Variants in METTL8 observed in about 807,000 individuals in gnomAD.
METTL8 encodes the protein methyltransferase 8, tRNA N3-cytidine.
In METTL8, 32 loss-of-function variants were observed where a neutral mutation model predicts 48.7. That is an observed-to-expected ratio of 0.66 (90% CI 0.50 to 0.88). METTL8 has a LOEUF of 0.88. Ranked by LOEUF, METTL8 falls within the 40% of genes least tolerant of loss-of-function variation. The pLI is 0.00. For synonymous variants in METTL8, 136 were observed against 157.1 expected (o/e 0.87, Z 1.01); for missense variants, 464 against 474.4 (o/e 0.98, Z 0.20).
At chr2:171,340,318 A>G (rs945340903) in intron 3 of METTL8, among the ~76,000 whole-genome samples, 7 of 151,800 alleles carry the variant, frequency 4.6e-5, no homozygotes, top group African/African-American at 1.5e-4. Context: ...CCTGGCCAAC[A>G]TGTTGAAACT....
chr2:171,316,062 G>A lies in METTL8; in HGVS notation c.*8110C>T, dbSNP rs1038989739. Among the ~76,000 whole-genome samples the A allele has an allele frequency of 5.3e-5, 8 of 152,190 alleles. No individual in the cohort carries two copies. The highest frequency in any genetic ancestry group is 1.9e-4 in the East Asian group (1 of 5,204). On this transcript the variant is annotated 3_prime_UTR_variant, in exon 10 of 10. Transcript: ENST00000375258. ...ATTCTTTATTCTCGAGAGCTTCCTCGTGCACATGATCAGCTTTTGCACATG... is the reference window on the plus strand; with the variant it reads ...ATTCTTTATTCTCGAGAGCTTCCTCATGCACATGATCAGCTTTTGCACATG...
At chr2:171,433,842 C>T (rs1402932948) in intron 1 of METTL8, 41 bp downstream of exon 1, 1 of 154,846 alleles carries the variant, frequency 6.5e-6, no homozygotes, top group African/African-American at 2.4e-5. Flanking sequence ...TACCGTCCCC[C>T]TCAGCCAACA....
intron 1 of METTL8, among the ~76,000 whole-genome samples, chr2:171,409,724 G>C (rs1042474113): frequency 6.6e-6 from 1 of 152,194 alleles, no homozygotes; most frequent in Non-Finnish European, 1.5e-5. Context: ...GGCAGAGAGG[G>C]GAGCCTGGAA....
intron 1 of METTL8, among the ~76,000 whole-genome samples, chr2:171,405,009 G>A (rs546151226): frequency 2.4e-4 from 36 of 152,288 alleles, no homozygotes; most frequent in Middle Eastern, 3.4e-3. Flanking sequence ...AGTGAAACAG[G>A]AGACAAGGTT....
At chr2:171,333,439 T>C (rs1685761786) in intron 5 of METTL8, among the ~76,000 whole-genome samples, 1 of 152,178 alleles carries the variant, frequency 6.6e-6, no homozygotes, top group Non-Finnish European at 1.5e-5. Flanking sequence ...TGAATAACTA[T>C]GATAACATAT....
chr2:171,405,716 T>C (rs1273178540), intron 1 of METTL8, among the ~76,000 whole-genome samples: 1 of 152,058 alleles, frequency 6.6e-6, no homozygotes, highest in Non-Finnish European at 1.5e-5. Flanking sequence ...ACAAAACAAG[T>C]TTTGAGAATA....
chr2:171,370,491 G>A (rs1426564406), intron 2 of METTL8, among the ~76,000 whole-genome samples: 1 of 152,110 alleles, frequency 6.6e-6, no homozygotes, highest in East Asian at 1.9e-4. Flanking sequence ...ATTAGTAATA[G>A]TTCTCAAAAC....
chr2:171,332,971 T>C (rs972069781), intron 5 of METTL8, among the ~76,000 whole-genome samples: 1 of 149,660 alleles, frequency 6.7e-6, no homozygotes, highest in Non-Finnish European at 1.5e-5. Flanking sequence ...CATTAAGACT[T>C]CTAATCTGAC....
At chr2:171,408,451 C>T (rs141006528) in intron 1 of METTL8, among the ~76,000 whole-genome samples, 4,679 of 152,148 alleles carry the variant, frequency 0.031, 82 homozygotes, top group East Asian at 0.051. Flanking sequence ...TGCACCACCA[C>T]GCTTGGCTTT....
rs538086442 is a variant in METTL8, at chr2:171,332,365, C to T, written c.657-498G>A. 3.1e-3 allele frequency: 480 copies of T among 154,198 alleles called. 5 individuals are homozygous for T. The highest frequency in any genetic ancestry group is 6.6e-3 in the Middle Eastern group (2 of 302). 9.6% of individuals were successfully genotyped at this position (154,198 alleles called of 1,614,324 possible). ...GCACAATCACGGGTCACTACAGCCTCGACCTCTGGGGCTCAAGTGATTCTC... is the reference window on the plus strand; with the variant it reads ...GCACAATCACGGGTCACTACAGCCTTGACCTCTGGGGCTCAAGTGATTCTC... On this transcript the variant is annotated intron_variant, in intron 5 of 9. Transcript: ENST00000375258.
At chr2:171,425,844 C>T (rs536030257) in intron 1 of METTL8, among the ~76,000 whole-genome samples, 2 of 152,162 alleles carry the variant, frequency 1.3e-5, no homozygotes, top group African/African-American at 4.8e-5. Context: ...ATGTCTATAA[C>T]AGCACTTTCC....
At chr2:171,331,973 G>A (rs905730939) in intron 5 of METTL8, 106 bp from the exon 6 acceptor site, 2 of 737,954 alleles carry the variant, frequency 2.7e-6, no homozygotes, top group Non-Finnish European at 4.5e-6. Flanking sequence ...ATAACCTTGA[G>A]CTCCTGGACT....
intron 2 of METTL8, among the ~76,000 whole-genome samples, chr2:171,380,362 C>CG (rs1559142816): frequency 6.6e-6 from 1 of 152,170 alleles, no homozygotes; most frequent in Non-Finnish European, 1.5e-5. Context: ...CCTCTCTCAC[C>CG]ACTCCTATTC....
intron 3 of METTL8, among the ~76,000 whole-genome samples, chr2:171,356,950 A>ATGTGTTTTTTTTT (rs1202277226): frequency 1.1e-3 from 5 of 4,746 alleles, no homozygotes; most frequent in African/African-American, 1.5e-3. Flanking sequence ...TTCAAAGACA[A>ATGTGTTTTTTTTT]TATTTTTTTT....
At chr2:171,374,242 C>T (rs1686703176) in intron 2 of METTL8, among the ~76,000 whole-genome samples, 1 of 152,116 alleles carries the variant, frequency 6.6e-6, no homozygotes, top group African/African-American at 2.4e-5. Flanking sequence ...CATGATTTGG[C>T]TCTCTGTTTG....
intron 1 of METTL8, among the ~76,000 whole-genome samples, chr2:171,428,909 A>G (rs935836484): frequency 7.2e-5 from 11 of 152,188 alleles, no homozygotes; most frequent in African/African-American, 2.7e-4. Flanking sequence ...AAAAGCAAAC[A>G]TGAGGGATGG....
chr2:171,380,223 G>C (rs1471030411), intron 2 of METTL8, among the ~76,000 whole-genome samples: 2 of 152,030 alleles, frequency 1.3e-5, no homozygotes, highest in East Asian at 3.9e-4. Context: ...AACTCTCAAT[G>C]AACTAGGCAT....
Position 171,337,472 on chromosome 2 carries a change from G to A in METTL8, c.637C>T (p.Pro213Ser). The A allele has an allele frequency of 6.2e-7, 1 of 1,604,566 alleles. No individual in the cohort carries two copies. The highest frequency in any genetic ancestry group is 1.1e-5 in the South Asian group (1 of 89,054). ...VGCGAGNSVF[P>S]ILNTLENSPE... The stretch of plus-strand genomic sequence containing the variant: ...ACTCACTCCAAAGTGTTCAAAATTG[G>A]AAACACACTATTTCCAGCTCCACAA... Residue 213 changes from proline to serine, a missense_variant, in exon 5 of 10, where the codon CCA becomes TCA. Physicochemically the swap from Pro to Ser is moderately conservative, Grantham distance 74. Transcript: ENST00000375258.
intron 9 of METTL8, 70 bp from the exon 10 acceptor site, chr2:171,324,432 C>T: frequency 7.8e-7 from 1 of 1,285,002 alleles, no homozygotes; most frequent in Non-Finnish European, 1.1e-6. Flanking sequence ...GAGTAGAACA[C>T]TGATGGAATA....
Sources: gnomAD v4.1 joint callset for allele counts (sites outside exome capture counted in the v4.1 genomes callset) on GRCh38, gnomAD v4.1.1 for gene constraint, MANE v1.5 for transcripts, NCBI Gene and HGNC (gene_info 2026-07-23, HGNC 2026-07-21) for gene names.